ARHGAP32: variants seen among roughly 807,000 people sequenced by gnomAD.
The protein encoded by ARHGAP32 is Rho GTPase activating protein 32.
In ARHGAP32, 51 loss-of-function variants were observed where a neutral mutation model predicts 186.5. The observed-to-expected ratio is 0.27, with a 90% CI of 0.22 to 0.35. The LOEUF is 0.35. ARHGAP32 is among the 10% of genes least tolerant of loss of function. ARHGAP32 has a pLI of 1.00. For missense variants in ARHGAP32, 2,186 were observed against 2,623.5 expected (o/e 0.83, Z 3.64); for synonymous variants, 950 against 964.3 (o/e 0.99, Z 0.27).
chr11:129,021,283 T>C (rs1938581246), intron 11 of ARHGAP32, among the ~76,000 whole-genome samples: 1 of 151,998 alleles, frequency 6.6e-6, no homozygotes, highest in Non-Finnish European at 1.5e-5. Context: ...GTAACAACAA[T>C]TCACTGAGAG....
At chr11:129,142,183 G>A (rs557808642) in intron 2 of ARHGAP32, among the ~76,000 whole-genome samples, 3 of 152,206 alleles carry the variant, frequency 2.0e-5, no homozygotes, top group African/African-American at 2.4e-5. Context: ...AAAAAGAGAG[G>A]AAGAAATACC....
chr11:129,173,100 C>A (rs1162449961), intron 1 of ARHGAP32, among the ~76,000 whole-genome samples: 3 of 151,272 alleles, frequency 2.0e-5, no homozygotes, highest in Non-Finnish European at 4.4e-5. Context: ...AGAGAAGAAT[C>A]AAACAGACAC....
chr11:129,076,180 C>CTCAGT (rs1402398310), intron 6 of ARHGAP32, among the ~76,000 whole-genome samples: 1 of 152,206 alleles, frequency 6.6e-6, no homozygotes, highest in Admixed American at 6.5e-5. Context: ...GAGACAAACC[C>CTCAGT]TCAGTTCTGG....
Position 128,970,967 on chromosome 11 carries a change from C to T in ARHGAP32, c.4246G>A (p.Val1416Ile), listed in dbSNP as rs564950961. The T allele has an allele frequency of 6.2e-7, 1 of 1,613,930 alleles. No individual in the cohort carries two copies. The highest frequency in any genetic ancestry group is 1.3e-5 in the African/African-American group (1 of 75,058). The change falls in exon 23 of 23, where the codon GTC becomes ATC. Residue 1416 changes from valine to isoleucine, a missense_variant. Physicochemically the swap from Val to Ile is conservative, Grantham distance 29. This residue lies in a region of ARHGAP32 where 1,502 missense variants were observed against 1,570.0 expected (regional missense o/e 0.96). Transcript: ENST00000682385. This position sits in a 1 kb window ranked among gnomAD's most constrained non-coding sequence, Gnocchi z 5.8. ...VPLLHLRAES[V>I]PAHPCGFPAP... Reference sequence around the variant, plus strand: ...GGAAAGCCACAGGGATGCGCAGGGACAGACTCGGCGCGCAGGTGCAGCAGC... The same window carrying T: ...GGAAAGCCACAGGGATGCGCAGGGATAGACTCGGCGCGCAGGTGCAGCAGC...
intron 10 of ARHGAP32, among the ~76,000 whole-genome samples, chr11:129,041,837 T>TA (rs1939605860): frequency 6.6e-6 from 1 of 152,240 alleles, no homozygotes; most frequent in African/African-American, 2.4e-5. Flanking sequence ...TCAATATTTA[T>TA]AGATGTTTCC....
chr11:129,072,683 GA>G (rs1177981185), intron 6 of ARHGAP32, among the ~76,000 whole-genome samples: 1 of 152,152 alleles, frequency 6.6e-6, no homozygotes, highest in African/African-American at 2.4e-5. Context: ...TAAATTGCTA[GA>G]GGCTCAGGGA....
Position 128,972,604 on chromosome 11 carries a change from G to A in ARHGAP32, c.3902C>T (p.Thr1301Ile), listed in dbSNP as rs1945413543. ...TGTGGCAGCAGCAAAATCAGCAGTG[G>A]TGGGTTGTTCAGCCACATCCCAGCT... ...EASWDVAEQP[T>I]TADFAAATLQ... Residue 1301 changes from threonine to isoleucine, a missense_variant, in exon 22 of 23, where the codon ACC (threonine) becomes ATC (isoleucine). By Grantham distance (89) the Thr-to-Ile change is moderately conservative. Transcript: ENST00000682385. 20 of 1,609,086 alleles carry A rather than the reference G, an allele frequency of 1.2e-5. No individual in the cohort carries two copies. The highest frequency in any genetic ancestry group is 1.7e-5 in the Non-Finnish European group (20 of 1,176,868).
At chr11:129,133,231 T>G (rs1457935494) in intron 2 of ARHGAP32, among the ~76,000 whole-genome samples, 1 of 152,166 alleles carries the variant, frequency 6.6e-6, no homozygotes, top group Non-Finnish European at 1.5e-5. Context: ...GATAGTTAAT[T>G]TTTTTAAAAG....
intron 10 of ARHGAP32, among the ~76,000 whole-genome samples, chr11:129,049,789 T>C (rs774809106): frequency 6.6e-6 from 1 of 152,210 alleles, no homozygotes; most frequent in South Asian, 2.1e-4. Context: ...TTGACAGATA[T>C]TAGGGTCGTT....
intron 1 of ARHGAP32, 39 bp downstream of exon 1, chr11:129,192,044 G>A: frequency 7.0e-7 from 1 of 1,425,194 alleles, no homozygotes; most frequent in Non-Finnish European, 9.9e-7. Flanking sequence ...TGGGGGTAGG[G>A]AGTGGACAGG....
chr11:129,014,481 A>G (rs1938236226), intron 11 of ARHGAP32, among the ~76,000 whole-genome samples: 1 of 152,208 alleles, frequency 6.6e-6, no homozygotes, highest in Non-Finnish European at 1.5e-5. Flanking sequence ...GACTGACTTA[A>G]GATAAATCTG....
upstream of ARHGAP32, chr11:129,279,453 C>T (rs892024798): frequency 6.9e-6 from 1 of 145,888 alleles, no homozygotes; most frequent in Non-Finnish European, 1.5e-5. Flanking sequence ...GGAGTCGGCC[C>T]CCGGGGACGC....
At chr11:129,056,993 AG>A (rs1006405457) in intron 10 of ARHGAP32, among the ~76,000 whole-genome samples, 27 of 152,012 alleles carry the variant, frequency 1.8e-4, no homozygotes, top group Non-Finnish European at 5.9e-5. Flanking sequence ...TTACACTGCT[AG>A]GGAAGACACT....
At chr11:129,098,553 G>T (rs1326158808) in intron 5 of ARHGAP32, among the ~76,000 whole-genome samples, 2 of 151,682 alleles carry the variant, frequency 1.3e-5, no homozygotes, top group African/African-American at 4.8e-5. Flanking sequence ...CTGAATAGCT[G>T]GGACTACAGG....
intron 11 of ARHGAP32, among the ~76,000 whole-genome samples, chr11:129,011,965 A>G (rs527237830): frequency 1.1e-3 from 172 of 152,314 alleles, no homozygotes; most frequent in Non-Finnish European, 9.3e-4. Context: ...AGGATAAACT[A>G]GAAGCTAATA....
rs1036474926 is a variant in ARHGAP32 at position 129,093,542 on chromosome 11, C to G, written c.531+79G>C. ...TGGATTATATCCTTTAGGCAAATCA[C>G]GTTATAGAAATAAATTTAATCATCA... On this transcript the variant is annotated intron_variant, in intron 6 of 22. Coordinates refer to ENST00000682385, the MANE Select transcript of ARHGAP32 (RefSeq NM_001378024.1). 3 of 984,528 alleles carry G rather than the reference C, an allele frequency of 3.0e-6. No individual in the cohort carries two copies. The Admixed American group carries it at 6.4e-5, about 21-fold the overall frequency. 61.0% of individuals were successfully genotyped at this position (984,528 alleles called of 1,614,324 possible). A position where few individuals can be genotyped will look rare whatever the true frequency, so the allele number is the denominator to read the frequency against.
chr11:129,159,762 C>T (rs1943489997), intron 2 of ARHGAP32, among the ~76,000 whole-genome samples: 1 of 152,050 alleles, frequency 6.6e-6, no homozygotes. Context: ...GGCAGAGACA[C>T]AACAAAAAAA....
At chr11:129,240,092 A>G (rs547993502) in intron 1 of ARHGAP32, among the ~76,000 whole-genome samples, 2 of 152,056 alleles carry the variant, frequency 1.3e-5, no homozygotes, top group South Asian at 4.2e-4. Flanking sequence ...CCCAGGCTAG[A>G]GTGCAGTGGC....
intron 11 of ARHGAP32, among the ~76,000 whole-genome samples, chr11:129,034,729 A>C (rs74869184): frequency 9.0e-6 from 1 of 111,122 alleles, no homozygotes; most frequent in African/African-American, 3.3e-5. Context: ...AACTGAAAAC[A>C]AAAAAAAAAA....
Sources: allele counts gnomAD v4.1 joint callset (sites outside exome capture counted in the v4.1 genomes callset), GRCh38; gene constraint gnomAD v4.1.1; regional missense constraint gnomAD v4.1.1; non-coding constraint Gnocchi (gnomAD v3.1); transcripts MANE v1.5; gene names NCBI Gene and HGNC (gene_info 2026-07-23, HGNC 2026-07-21).